Variants in DACH1 observed in about 807,000 individuals in gnomAD.
DACH1 encodes dachshund family transcription factor 1.
DACH1 carries 12 observed loss-of-function variants against 54.2 expected under a neutral mutation model. That is an observed-to-expected ratio of 0.22 (90% confidence interval 0.14 to 0.36). The LOEUF (loss-of-function observed/expected upper bound fraction) is 0.36, where lower values mean the gene tolerates loss of function less well. Ranked by LOEUF, DACH1 falls within the 10% of genes least tolerant of loss-of-function variation. The probability of loss-of-function intolerance (pLI) is 1.00; values close to 1 mark genes in which losing one functional copy is unlikely to be tolerated. For missense variants in DACH1, 805 were observed against 929.8 expected (o/e 0.87, Z 1.75); for synonymous variants, 386 against 366.2 (o/e 1.05, Z -0.62).
chr13:71,582,085 T>C (rs1872890355), intron 3 of DACH1, among the ~76,000 whole-genome samples: 2 of 152,086 alleles, frequency 1.3e-5, no homozygotes, highest in South Asian at 2.1e-4. Context: ...ATGGAAAGAA[T>C]AAAGGTATTG....
chr13:71,654,252 T>C (rs1308164523), intron 2 of DACH1, among the ~76,000 whole-genome samples: 7 of 151,504 alleles, frequency 4.6e-5, no homozygotes, highest in Non-Finnish European at 5.9e-5. Flanking sequence ...AAGCCGGGTG[T>C]GGCGGAGCAC....
chr13:71,817,814 C>CT (rs34031888), intron 1 of DACH1, among the ~76,000 whole-genome samples: 77,589 of 118,996 alleles, frequency 0.65, 26,424 homozygotes, highest in East Asian at 0.86. Flanking sequence ...TTCTTTCTTC[C>CT]TTTTTTTTTT....
intron 2 of DACH1, among the ~76,000 whole-genome samples, chr13:71,636,783 C>T (rs1877518384): frequency 6.6e-6 from 1 of 151,796 alleles, no homozygotes; most frequent in Admixed American, 6.6e-5. Flanking sequence ...TTTTTCTTTC[C>T]TATTGAATCT....
At position 71,765,988 on chromosome 13, in the gene DACH1, A is replaced by G. The variant is rs774179082; in HGVS notation, c.849-84078T>C. ...TGCAAGCTCCGCCTCCCGGGTTCACACCATTCTCCTGCCTCAGCCTCCTGA... is the reference window on the plus strand; with the variant it reads ...TGCAAGCTCCGCCTCCCGGGTTCACGCCATTCTCCTGCCTCAGCCTCCTGA... On this transcript the variant is annotated intron_variant, in intron 1 of 10. Transcript: ENST00000613252. Among the ~76,000 whole-genome samples, 90 of 148,190 alleles carry G rather than the reference A, an allele frequency of 6.1e-4. 1 individual carries two copies. The highest frequency in any genetic ancestry group is 2.2e-3 in the Admixed American group (32 of 14,584).
intron 1 of DACH1, among the ~76,000 whole-genome samples, chr13:71,707,391 C>A (rs946830468): frequency 2.0e-5 from 3 of 152,176 alleles, no homozygotes; most frequent in Non-Finnish European, 4.4e-5. Flanking sequence ...GTATTTTGCA[C>A]TGGGCTTGTC....
intron 6 of DACH1, among the ~76,000 whole-genome samples, chr13:71,512,513 A>T (rs1880855744): frequency 6.6e-6 from 1 of 151,890 alleles, no homozygotes; most frequent in Non-Finnish European, 1.5e-5. Context: ...CTGAGTAAAG[A>T]CCAAATTCTT....
At chr13:71,608,330 A>G (rs979505779) in intron 3 of DACH1, among the ~76,000 whole-genome samples, 1 of 151,974 alleles carries the variant, frequency 6.6e-6, no homozygotes, top group Non-Finnish European at 1.5e-5. Flanking sequence ...TATTAACAAG[A>G]TGTTATTATG....
intron 4 of DACH1, among the ~76,000 whole-genome samples, chr13:71,564,196 A>G (rs1442725095): frequency 6.6e-6 from 1 of 152,074 alleles, no homozygotes; most frequent in East Asian, 1.9e-4. Flanking sequence ...ATAGATAATG[A>G]GTTTTATTCA....
chr13:71,505,764 A>C (rs1880264813), intron 6 of DACH1, among the ~76,000 whole-genome samples: 1 of 152,164 alleles, frequency 6.6e-6, no homozygotes, highest in South Asian at 2.1e-4. Context: ...AGAATGAAAA[A>C]ACCAGGTAGA....
intron 2 of DACH1, among the ~76,000 whole-genome samples, chr13:71,646,740 C>T (rs1279703174): frequency 6.6e-6 from 1 of 152,010 alleles, no homozygotes; most frequent in Admixed American, 6.6e-5. Context: ...TTCAAGGTAC[C>T]TCAATTTGTG....
chr13:71,769,418 G>A (rs1012048321), intron 1 of DACH1, among the ~76,000 whole-genome samples: 4 of 151,618 alleles, frequency 2.6e-5, no homozygotes, highest in African/African-American at 9.7e-5. Context: ...AGAAACACCT[G>A]TGGAACTTCA....
intron 1 of DACH1, among the ~76,000 whole-genome samples, chr13:71,815,969 C>G (rs1247729481): frequency 1.3e-5 from 2 of 151,854 alleles, no homozygotes; most frequent in African/African-American, 2.4e-5. Flanking sequence ...CCTGTAGTCC[C>G]AGCTACTCGG....
At chr13:71,736,440 G>T (rs1566469181) in intron 1 of DACH1, among the ~76,000 whole-genome samples, 1 of 151,888 alleles carries the variant, frequency 6.6e-6, no homozygotes, top group Non-Finnish European at 1.5e-5. Flanking sequence ...CATAGTAACA[G>T]CTTAAGGAAA....
chr13:71,559,751 G>A (rs992910775), intron 5 of DACH1, 69 bp downstream of exon 5: 9 of 1,593,138 alleles, frequency 5.6e-6, no homozygotes, highest in East Asian at 2.2e-5. Flanking sequence ...ATGAGGGCAT[G>A]TTGATTAGAA....
chr13:71,589,259 G>GT (rs1447134983), intron 3 of DACH1, among the ~76,000 whole-genome samples: 2 of 151,970 alleles, frequency 1.3e-5, no homozygotes, highest in Non-Finnish European at 2.9e-5. Context: ...CAAGGGAAAT[G>GT]TAAGTATTGA....
At chr13:71,771,983 G>C (rs1028423966) in intron 1 of DACH1, among the ~76,000 whole-genome samples, 2 of 151,142 alleles carry the variant, frequency 1.3e-5, no homozygotes, top group Non-Finnish European at 3.0e-5. Context: ...TTACTGGCAA[G>C]TTGATCTATT....
chr13:71,467,803 A>G (rs1876726783), intron 10 of DACH1, among the ~76,000 whole-genome samples: 1 of 152,124 alleles, frequency 6.6e-6, no homozygotes, highest in African/African-American at 2.4e-5. Context: ...AAGGGACTAG[A>G]GGGAAATTTA....
chr13:71,717,504 TCACACACACACACA>T (rs3221998), intron 1 of DACH1, among the ~76,000 whole-genome samples: 23 of 142,884 alleles, frequency 1.6e-4, no homozygotes, highest in East Asian at 6.4e-4. Flanking sequence ...GTGTGTGTAA[TCACACACACACACA>T]CACACACACA....
Position 71,438,945 on chromosome 13 carries a change from T to A in DACH1, c.*1710A>T, listed in dbSNP as rs1247182585. 1.3e-5 allele frequency: 2 copies of A among 152,588 alleles called. No individual in the cohort carries two copies. Among genetic ancestry groups the A allele is most frequent in the African/African-American group, 4.8e-5 (2 of 41,574 alleles). 9.5% of individuals were successfully genotyped at this position (152,588 alleles called of 1,614,324 possible). A position where few individuals can be genotyped will look rare whatever the true frequency, so the allele number is the denominator to read the frequency against. ...AACTGTACATATAACCTTTTTATGG[T>A]ATTAAAAAGATGAACTTAGCTGGCT... is the stretch of plus-strand genomic sequence containing the variant. On this transcript the variant is annotated 3_prime_UTR_variant, in exon 11 of 11. Coordinates refer to ENST00000613252, the MANE Select transcript of DACH1 (RefSeq NM_080759.6).
Sources: gnomAD v4.1 joint callset for allele counts (sites outside exome capture counted in the v4.1 genomes callset) on GRCh38, gnomAD v4.1.1 for gene constraint, MANE v1.5 for transcripts, NCBI Gene and HGNC (gene_info 2026-07-23, HGNC 2026-07-21) for gene names.